The following RGS6 variants were observed in gnomAD, a reference collection of about 807,000 sequenced individuals.
RGS6 encodes regulator of G-protein signaling 6.
In RGS6, 30 loss-of-function variants were observed where a neutral mutation model predicts 78.5. That is an observed-to-expected ratio of 0.38 (90% CI 0.29 to 0.52). The LOEUF is 0.52. Among genes scored for constraint, RGS6 ranks in the 20% least tolerant of loss-of-function variants. The pLI is 0.85. For synonymous variants in RGS6, 206 were observed against 206.0 expected (o/e 1.00, Z 0.00); for missense variants, 495 against 609.7 (o/e 0.81, Z 1.98).
chr14:72,320,073 C>G (rs534318583), intron 2 of RGS6, among the ~76,000 whole-genome samples: 1 of 152,024 alleles, frequency 6.6e-6, no homozygotes, highest in Non-Finnish European at 1.5e-5. Context: ...TATACAAGAC[C>G]ACAGTTTAAA....
intron 3 of RGS6, among the ~76,000 whole-genome samples, chr14:72,380,109 A>C (rs958773686): frequency 6.6e-6 from 1 of 152,014 alleles, no homozygotes; most frequent in Admixed American, 6.6e-5. Flanking sequence ...AAAAAATCAG[A>C]TATCCATATA....
intron 2 of RGS6, among the ~76,000 whole-genome samples, chr14:72,279,476 G>A (rs947332402): frequency 6.6e-6 from 1 of 152,126 alleles, no homozygotes; most frequent in Non-Finnish European, 1.5e-5. Flanking sequence ...TCCTCCATAA[G>A]AAGGTCTCTT....
chr14:72,150,818 C>T (rs2096674081), intron 2 of RGS6, among the ~76,000 whole-genome samples: 1 of 152,168 alleles, frequency 6.6e-6, no homozygotes, highest in Non-Finnish European at 1.5e-5. Flanking sequence ...CCTCTTTCAA[C>T]CTTGGGGATT....
intron 2 of RGS6, among the ~76,000 whole-genome samples, chr14:72,015,369 C>T (rs984881324): frequency 6.6e-6 from 1 of 152,234 alleles, no homozygotes; most frequent in Non-Finnish European, 1.5e-5. Context: ...CACCTCCCAT[C>T]AGTTCCAACC....
intron 2 of RGS6, among the ~76,000 whole-genome samples, chr14:72,236,150 C>A (rs1013782070): frequency 2.0e-5 from 3 of 152,200 alleles, no homozygotes; most frequent in Admixed American, 2.0e-4. Context: ...ATGTTTCCAA[C>A]ATTCTATTAG....
At chr14:72,094,425 A>C (rs982508870) in intron 2 of RGS6, among the ~76,000 whole-genome samples, 1 of 152,144 alleles carries the variant, frequency 6.6e-6, no homozygotes, top group Admixed American at 6.5e-5. Flanking sequence ...GGTGACCCCC[A>C]CTTTTCTTTT....
intron 1 of RGS6, among the ~76,000 whole-genome samples, chr14:71,952,689 A>G (rs964546444): frequency 1.3e-5 from 2 of 152,022 alleles, no homozygotes; most frequent in African/African-American, 4.8e-5. Flanking sequence ...AAATTTTGCT[A>G]TCTTAAGAGG....
the RGS6 span, among the ~76,000 whole-genome samples, chr14:72,623,691 G>A: frequency 6.6e-6 from 1 of 152,188 alleles, no homozygotes; most frequent in Non-Finnish European, 1.5e-5. Flanking sequence ...GTATGAACTG[G>A]ATGCATCAGT....
chr14:72,105,383 G>A (rs1380380668), intron 2 of RGS6, among the ~76,000 whole-genome samples: 1 of 152,138 alleles, frequency 6.6e-6, no homozygotes, highest in Non-Finnish European at 1.5e-5. Context: ...AATATTCTGA[G>A]GGCAAGGATC....
intron 2 of RGS6, among the ~76,000 whole-genome samples, chr14:72,328,357 A>G (rs1219510343): frequency 6.6e-6 from 1 of 152,236 alleles, no homozygotes; most frequent in Non-Finnish European, 1.5e-5. Context: ...TAGAATGCAT[A>G]AAGTCCATCT....
intron 2 of RGS6, among the ~76,000 whole-genome samples, chr14:72,139,167 G>A (rs969752397): frequency 1.3e-5 from 2 of 152,178 alleles, no homozygotes; most frequent in Non-Finnish European, 2.9e-5. Context: ...TTTGAGAAGG[G>A]TTTTAAGGCT....
At chr14:72,427,623 T>A (rs1483500572) in intron 3 of RGS6, among the ~76,000 whole-genome samples, 1 of 152,140 alleles carries the variant, frequency 6.6e-6, no homozygotes, top group Non-Finnish European at 1.5e-5. Context: ...GAGTCTTGCT[T>A]ATCATCTCTC....
At chr14:72,396,766 T>A (rs925008482) in intron 3 of RGS6, among the ~76,000 whole-genome samples, 2 of 147,894 alleles carry the variant, frequency 1.4e-5, no homozygotes, top group Non-Finnish European at 2.9e-5. Context: ...TACATATGTC[T>A]AGCCAGTTTT....
intron 2 of RGS6, among the ~76,000 whole-genome samples, chr14:72,048,111 C>T (rs36742): frequency 0.28 from 42,388 of 151,702 alleles, 6,141 homozygotes; most frequent in Admixed American, 0.33. Flanking sequence ...AGAGAGACTG[C>T]GGATTCAGAC....
chr14:72,622,039 G>T, the RGS6 span, among the ~76,000 whole-genome samples: 1 of 152,230 alleles, frequency 6.6e-6, no homozygotes, highest in Non-Finnish European at 1.5e-5. Flanking sequence ...GCAAGTGAAG[G>T]TCCTAGGAGA....
chr14:72,283,793 G>T (rs937981113), intron 2 of RGS6, among the ~76,000 whole-genome samples: 1 of 152,200 alleles, frequency 6.6e-6, no homozygotes, highest in African/African-American at 2.4e-5. Flanking sequence ...CAAGTAACAG[G>T]GAGAGGCTGG....
chr14:72,263,912 A>T (rs1287026370), intron 2 of RGS6, among the ~76,000 whole-genome samples: 1 of 152,188 alleles, frequency 6.6e-6, no homozygotes, highest in African/African-American at 2.4e-5. Flanking sequence ...TCTTGCCTGA[A>T]ATTCTTGGGG....
intron 3 of RGS6, among the ~76,000 whole-genome samples, chr14:72,428,052 G>T (rs1247656083): frequency 6.6e-6 from 1 of 152,190 alleles, no homozygotes; most frequent in Non-Finnish European, 1.5e-5. Context: ...AGACCAAGCG[G>T]TAAAGGGATC....
At chr14:72,619,073 T>G in the RGS6 span, among the ~76,000 whole-genome samples, 3 of 152,142 alleles carry the variant, frequency 2.0e-5, no homozygotes, top group Admixed American at 1.3e-4. Context: ...AAGTGCAACT[T>G]CCTTCCGGTA....
Sources: gnomAD v4.1 joint callset for allele counts (sites outside exome capture counted in the v4.1 genomes callset) on GRCh38, gnomAD v4.1.1 for gene constraint, MANE v1.5 for transcripts, NCBI Gene and HGNC (gene_info 2026-07-23, HGNC 2026-07-21) for gene names.